MYO16: variants seen among roughly 807,000 people sequenced by gnomAD.
MYO16 encodes the protein unconventional myosin-XVI.
A neutral mutation model predicts 205.3 loss-of-function variants in MYO16; 94 were observed. The observed-to-expected ratio is 0.46, with a 90% CI of 0.39 to 0.54. MYO16 has a LOEUF of 0.54. MYO16 is among the 20% of genes least tolerant of loss of function. MYO16 has a pLI of 0.00. For missense variants in MYO16, 2,315 were observed against 2,387.5 expected, an observed-to-expected ratio of 0.97 and a Z score of 0.63; for synonymous variants, 988 against 954.0, an observed-to-expected ratio of 1.04 and a Z score of -0.66.
intron 3 of MYO16, among the ~76,000 whole-genome samples, chr13:108,721,899 A>G (rs972845302): frequency 2.0e-5 from 3 of 152,116 alleles, no homozygotes; most frequent in Non-Finnish European, 4.4e-5. Flanking sequence ...TGTGGCCATG[A>G]AGGAATCTAG....
At position 108,681,174 on chromosome 13, in the gene MYO16, A is replaced by ATG. The variant is rs140113837; in HGVS notation, c.292+15037_292+15038dup. Among the ~76,000 whole-genome samples the ATG allele has an allele frequency of 3.4e-3, 517 of 152,072 alleles. 1 individual carries two copies. Among genetic ancestry groups the ATG allele is most frequent in the Admixed American group, 7.5e-3 (115 of 15,256 alleles). On this transcript the variant is annotated intron_variant, in intron 2 of 34. Transcript: ENST00000457511. The stretch of plus-strand genomic sequence containing the variant: ...ACAAAAATATGCTTCTCTTTCCCAC[A>ATG]TGTGTGTGTGTGTCAATAATATGGC...
Position 108,712,644 on chromosome 13 carries a change from C to G in MYO16, c.293-17C>G, listed in dbSNP as rs770694466. On this transcript the variant is annotated splice_polypyrimidine_tract_variant and intron_variant, in intron 2 of 34. Transcript: ENST00000457511. ...AAGGACTCTCTGTAACTCCATTCTC[C>G]TCTCTGTTGTTTTCAGTGCTTCGGC... 1.6e-5 allele frequency: 26 copies of G among 1,611,730 alleles called. No individual in the cohort carries two copies. The highest frequency in any genetic ancestry group is 2.1e-5 in the Non-Finnish European group (25 of 1,177,874).
chr13:108,868,951 T>C (rs1187932622), intron 12 of MYO16, among the ~76,000 whole-genome samples: 1 of 151,928 alleles, frequency 6.6e-6, no homozygotes, highest in East Asian at 1.9e-4. Flanking sequence ...TCTGGGACAT[T>C]ATGTTGGCAC....
At chr13:108,506,486 C>A in the MYO16 span, among the ~76,000 whole-genome samples, 1 of 151,952 alleles carries the variant, frequency 6.6e-6, no homozygotes, top group African/African-American at 2.4e-5. Flanking sequence ...ATATAAAAAG[C>A]AACTTCTTTT....
chr13:108,653,611 TC>T (rs1881109011), intron 1 of MYO16, among the ~76,000 whole-genome samples: 1 of 152,034 alleles, frequency 6.6e-6, no homozygotes, highest in Non-Finnish European at 1.5e-5. Context: ...TTATTTTTGT[TC>T]TTTTATTATT....
At chr13:108,535,043 C>G in the MYO16 span, among the ~76,000 whole-genome samples, 1 of 149,982 alleles carries the variant, frequency 6.7e-6, no homozygotes, top group African/African-American at 2.5e-5. Flanking sequence ...CCTTCCTCTT[C>G]TTCTTCCTCC....
rs115989526 is a variant in MYO16 at position 108,747,791 on chromosome 13, C to G, written c.507+20208C>G. On this transcript the variant is annotated intron_variant, in intron 4 of 34. Coordinates refer to ENST00000457511, the MANE Select transcript of MYO16 (RefSeq NM_001198950.3). ...CTCTAGGTCGTCTACTTGAAAACCA[C>G]ATTGAATATAAAGATGCAGACAGGA... 4.2e-3 allele frequency among the ~76,000 whole-genome samples: 642 copies of G among 152,140 alleles called. 3 individuals are homozygous for G. Among genetic ancestry groups the G allele is most frequent in the African/African-American group, 0.015 (619 of 41,506 alleles).
chr13:108,635,173 A>G (rs1880165660), intron 1 of MYO16, among the ~76,000 whole-genome samples: 1 of 152,208 alleles, frequency 6.6e-6, no homozygotes, highest in African/African-American at 2.4e-5. Flanking sequence ...AAACTGCTAG[A>G]TTTCTTTCAG....
At chr13:108,893,916 A>G (rs1445268348) in intron 14 of MYO16, among the ~76,000 whole-genome samples, 3 of 152,206 alleles carry the variant, frequency 2.0e-5, no homozygotes, top group African/African-American at 4.8e-5. Context: ...TGATAGAGAA[A>G]GAAAAGTCAG....
At chr13:108,748,575 C>G (rs936558860) in intron 4 of MYO16, among the ~76,000 whole-genome samples, 3 of 151,872 alleles carry the variant, frequency 2.0e-5, no homozygotes, top group Non-Finnish European at 2.9e-5. Context: ...ATTAAAAATG[C>G]TTATTATAAG....
chr13:108,589,540 G>T, the MYO16 span, among the ~76,000 whole-genome samples: 1 of 152,056 alleles, frequency 6.6e-6, no homozygotes, highest in Admixed American at 6.6e-5. Context: ...TCACAAAAAA[G>T]CAAATACCAG....
chr13:109,185,878 A>C (rs917903396), intron 34 of MYO16, among the ~76,000 whole-genome samples: 2 of 152,212 alleles, frequency 1.3e-5, no homozygotes, highest in African/African-American at 4.8e-5. Flanking sequence ...CATGCTTTCA[A>C]AGTGTAAAAA....
intron 4 of MYO16, among the ~76,000 whole-genome samples, chr13:108,751,084 C>CACACAT (rs1442681073): frequency 6.6e-6 from 1 of 150,394 alleles, no homozygotes; most frequent in African/African-American, 2.4e-5. Flanking sequence ...CACACACACA[C>CACACAT]ACATACATTT....
At chr13:108,815,485 G>C (rs1392221916) in intron 7 of MYO16, among the ~76,000 whole-genome samples, 1 of 152,098 alleles carries the variant, frequency 6.6e-6, no homozygotes, top group African/African-American at 2.4e-5. Flanking sequence ...TTGCTGCTTT[G>C]AAGATGGTGG....
At chr13:108,779,924 T>G (rs1346739625) in intron 4 of MYO16, 2 of 152,200 alleles carry the variant, frequency 1.3e-5, no homozygotes, top group African/African-American at 4.8e-5. Flanking sequence ...GATCCTTAAT[T>G]GATGATGGGC....
intron 34 of MYO16, among the ~76,000 whole-genome samples, chr13:109,189,625 A>G (rs1879827260): frequency 6.6e-6 from 1 of 152,204 alleles, no homozygotes; most frequent in Admixed American, 6.5e-5. Flanking sequence ...ATCTGTGTAC[A>G]TTGAAACCCC....
At chr13:109,053,674 C>T (rs186671386) in intron 25 of MYO16, among the ~76,000 whole-genome samples, 9 of 152,224 alleles carry the variant, frequency 5.9e-5, no homozygotes, top group Non-Finnish European at 1.2e-4. Flanking sequence ...AGAAAGGGAA[C>T]TGGAGTGTTC....
rs113221038 is a variant in MYO16, at chr13:109,200,714, C to T, written c.5416-5895C>T. The stretch of plus-strand genomic sequence containing the variant: ...TTTTTTTTTTTGTCAAAATCCTTCC[C>T]GACAAGCCTAATTCAGATGAGCAGC... On this transcript the variant is annotated intron_variant, in intron 34 of 34. Transcript: ENST00000457511. Among the ~76,000 whole-genome samples the T allele has an allele frequency of 5.4e-3, 813 of 151,114 alleles. 9 individuals carry two copies. Among genetic ancestry groups the T allele is most frequent in the African/African-American group, 0.018 (753 of 41,166 alleles).
In MYO16 at chr13:109,135,465, C is replaced by T. The variant is rs77172809; in HGVS notation, c.4052-4799C>T. On this transcript the variant is annotated intron_variant, in intron 31 of 34. Transcript: ENST00000457511. ...TGTTTGGGGCTAGTAGTTTTTTCAG[C>T]CTGCTTCTTCCTTATCAGGGTTGTG... Among the ~76,000 whole-genome samples the T allele has an allele frequency of 6.9e-3, 1,058 of 152,276 alleles. 8 individuals are homozygous for T. Among genetic ancestry groups the T allele is most frequent in the African/African-American group, 0.024 (1,006 of 41,556 alleles).
Sources: allele counts gnomAD v4.1 joint callset (sites outside exome capture counted in the v4.1 genomes callset), GRCh38; gene constraint gnomAD v4.1.1; transcripts MANE v1.5; gene names NCBI Gene and HGNC (gene_info 2026-07-23, HGNC 2026-07-21).